The following ANO6 variants were observed in gnomAD, a reference collection of about 807,000 sequenced individuals.
ANO6 encodes the protein anoctamin-6.
Under a neutral mutation model 117.5 loss-of-function variants are expected in ANO6, and 106 were observed. That is an observed-to-expected ratio of 0.90 (90% CI 0.77 to 1.06). ANO6 has a LOEUF of 1.06. ANO6 is among the 50% of genes least tolerant of loss of function. The pLI is 0.00. For synonymous variants in ANO6, 367 were observed against 385.1 expected (o/e 0.95, Z 0.55); for missense variants, 955 against 1,121.1 (o/e 0.85, Z 2.12).
chr12:45,409,472 G>T lies in ANO6; in HGVS notation c.1996G>T (p.Glu666Ter). 2 of 1,613,674 alleles carry T rather than the reference G, an allele frequency of 1.2e-6. No homozygotes were observed. The highest frequency in any genetic ancestry group is 2.2e-5 in the South Asian group (2 of 91,062). ...QPMGKLGLFYEYLEMIIQFGF... is the reference protein window; with the variant it reads ...QPMGKLGLFY The stretch of plus-strand genomic sequence containing the variant: ...TATGGGCAAACTGGGATTATTTTAT[G>T]AATATCTTGAAATGAGTAAGTTGTT... The change falls in exon 16 of 20, where the codon GAA (glutamate) becomes TAA (stop). Residue 666 changes from glutamate to a stop codon, truncating the protein, a stop_gained. Coordinates refer to ENST00000320560, the MANE Select transcript of ANO6 (RefSeq NM_001025356.3). LOFTEE classifies it high-confidence loss of function.
chr12:45,429,598 C>A lies in ANO6; in HGVS notation c.*287C>A. On this transcript the variant is annotated 3_prime_UTR_variant, in exon 20 of 20. Transcript: ENST00000320560. The stretch of plus-strand genomic sequence containing the variant: ...AGTCCCTCAGTGTGCTTAAAAACCA[C>A]CCCTTCTAAAGTAGAATGGATTCTT... The A allele has an allele frequency of 1.6e-6, 2 of 1,225,294 alleles. No homozygotes were observed. Among genetic ancestry groups the A allele is most frequent in the Non-Finnish European group, 2.1e-6 (2 of 973,808 alleles). The allele number at this position is 1,225,294 out of a possible 1,614,324, so 75.9% of individuals were successfully genotyped here. A position where few individuals can be genotyped will look rare whatever the true frequency, so the allele number is the denominator to read the frequency against.
chr12:45,365,608 G>A (rs1243807088), intron 8 of ANO6, among the ~76,000 whole-genome samples: 2 of 152,126 alleles, frequency 1.3e-5, no homozygotes, highest in Non-Finnish European at 2.9e-5. Flanking sequence ...GGGGTTTTGG[G>A]GGTAGCTTTA....
chr12:45,255,252 C>T (rs563378313), intron 1 of ANO6, among the ~76,000 whole-genome samples: 4 of 152,302 alleles, frequency 2.6e-5, no homozygotes, highest in Admixed American at 6.5e-5. Context: ...TCATCATTAG[C>T]GCATGCTCCC....
intron 1 of ANO6, among the ~76,000 whole-genome samples, chr12:45,301,550 G>A (rs1042934777): frequency 1.3e-5 from 2 of 151,594 alleles, no homozygotes; most frequent in African/African-American, 4.8e-5. Context: ...CCAGGAGGTC[G>A]AGGCTGCAGT....
intron 16 of ANO6, among the ~76,000 whole-genome samples, chr12:45,413,524 G>T (rs1943138992): frequency 1.3e-5 from 2 of 152,234 alleles, no homozygotes; most frequent in South Asian, 4.1e-4. Flanking sequence ...GAGGCCACGA[G>T]GGTGAATCAG....
intron 1 of ANO6, chr12:45,228,341 T>C (rs1401058914): frequency 3.8e-6 from 1 of 262,552 alleles, no homozygotes; most frequent in Admixed American, 5.4e-5. Flanking sequence ...GGTCTCACTA[T>C]GTTGCCCAGC....
intron 1 of ANO6, among the ~76,000 whole-genome samples, chr12:45,253,379 A>G (rs1477745385): frequency 6.6e-6 from 1 of 152,226 alleles, no homozygotes. Context: ...TCTTAAATGT[A>G]TAAAGTTATT....
chr12:45,375,652 A>G (rs991752191), intron 9 of ANO6, among the ~76,000 whole-genome samples: 2 of 152,112 alleles, frequency 1.3e-5, no homozygotes, highest in African/African-American at 4.8e-5. Flanking sequence ...GGCTAGCCAT[A>G]TGTAGAAAGC....
intron 1 of ANO6, among the ~76,000 whole-genome samples, chr12:45,233,296 G>A (rs371590125): frequency 1.3e-5 from 2 of 152,264 alleles, no homozygotes; most frequent in South Asian, 2.1e-4. Context: ...AATAGCCAAA[G>A]CACCCTAGTA....
chr12:45,397,373 CTT>C (rs1565748999), intron 12 of ANO6, among the ~76,000 whole-genome samples: 1 of 152,140 alleles, frequency 6.6e-6, no homozygotes, highest in African/African-American at 2.4e-5. Flanking sequence ...AATAGGAATG[CTT>C]TTACACTGTT....
intron 1 of ANO6, among the ~76,000 whole-genome samples, chr12:45,278,054 C>A (rs4768598): frequency 0.85 from 128,650 of 151,980 alleles, 55,487 homozygotes; most frequent in Non-Finnish European, 0.94. Context: ...CTAGCTCAAG[C>A]TATCCTCCCC....
intron 1 of ANO6, among the ~76,000 whole-genome samples, chr12:45,250,505 G>A (rs1236906156): frequency 6.6e-6 from 1 of 152,046 alleles, no homozygotes; most frequent in East Asian, 1.9e-4. Context: ...CATTCCTCTT[G>A]CCTCAGCCTC....
At chr12:45,299,680 T>C (rs1939415189) in intron 1 of ANO6, among the ~76,000 whole-genome samples, 1 of 151,774 alleles carries the variant, frequency 6.6e-6, no homozygotes, top group African/African-American at 2.4e-5. Context: ...GTGAAAACGC[T>C]TCTCTACTAA....
downstream of ANO6, among the ~76,000 whole-genome samples, chr12:45,434,919 G>A (rs540289363): frequency 9.9e-5 from 15 of 152,246 alleles, no homozygotes; most frequent in South Asian, 1.9e-3. Context: ...AGGTTAATGC[G>A]TTCTTGAGAC....
intron 8 of ANO6, among the ~76,000 whole-genome samples, chr12:45,366,725 A>G (rs1001504657): frequency 2.6e-5 from 4 of 152,204 alleles, no homozygotes; most frequent in African/African-American, 9.7e-5. Context: ...GATTATTACA[A>G]ATTGTGAATA....
chr12:45,366,021 G>A (rs1256155297), intron 8 of ANO6, among the ~76,000 whole-genome samples: 1 of 151,822 alleles, frequency 6.6e-6, no homozygotes, highest in African/African-American at 2.4e-5. Context: ...TTATTTGTAA[G>A]ACCACCTAAC....
intron 12 of ANO6, among the ~76,000 whole-genome samples, chr12:45,399,447 G>A (rs567549598): frequency 6.6e-6 from 1 of 152,178 alleles, no homozygotes; most frequent in East Asian, 1.9e-4. Flanking sequence ...GCCCGCCGCA[G>A]CCCCTCAAAG....
intron 2 of ANO6, chr12:45,313,646 G>A (rs1565682140): frequency 6.6e-6 from 1 of 151,930 alleles, no homozygotes; most frequent in South Asian, 2.1e-4. Flanking sequence ...AGAAGAGCAG[G>A]CAAGAGCTTT....
intron 16 of ANO6, among the ~76,000 whole-genome samples, chr12:45,414,582 ATC>A (rs1943167274): frequency 6.6e-6 from 1 of 152,158 alleles, no homozygotes; most frequent in South Asian, 2.1e-4. Context: ...AATTCATACT[ATC>A]TATTCATATA....
Sources: allele counts gnomAD v4.1 joint callset (sites outside exome capture counted in the v4.1 genomes callset), GRCh38; gene constraint gnomAD v4.1.1; transcripts MANE v1.5; gene names NCBI Gene and HGNC (gene_info 2026-07-23, HGNC 2026-07-21).